The following SOX5 variants were observed in gnomAD, a reference collection of about 807,000 sequenced individuals.
SOX5 encodes SRY-box transcription factor 5.
A neutral mutation model predicts 92.0 loss-of-function variants in SOX5; 9 were observed. The ratio of observed to expected loss-of-function variants is 0.10; its 90% CI spans 0.06 to 0.17. The LOEUF (loss-of-function observed/expected upper bound fraction) is 0.17. SOX5 is among the 10% of genes least tolerant of loss of function. SOX5 has a pLI of 1.00. For missense variants in SOX5, 642 were observed against 944.5 expected (o/e 0.68, Z 4.20); for synonymous variants, 344 against 336.3 (o/e 1.02, Z -0.25).
chr12:23,895,053 T>C (rs2097163467), intron 2 of SOX5, among the ~76,000 whole-genome samples: 1 of 152,118 alleles, frequency 6.6e-6, no homozygotes, highest in Admixed American at 6.5e-5. Context: ...CTTATTTGTG[T>C]TTATGTGTGC....
At chr12:23,901,433 T>A (rs973257586) in intron 1 of SOX5, among the ~76,000 whole-genome samples, 12 of 152,358 alleles carry the variant, frequency 7.9e-5, no homozygotes, top group African/African-American at 2.6e-4. Flanking sequence ...AAAAAGGTAA[T>A]AATATATCAT....
At chr12:23,652,056 T>A (rs543279660) in intron 7 of SOX5, among the ~76,000 whole-genome samples, 1 of 152,186 alleles carries the variant, frequency 6.6e-6, no homozygotes, top group Admixed American at 6.6e-5. Flanking sequence ...CTATTTTCTC[T>A]CATCTAAATT....
intron 4 of SOX5, among the ~76,000 whole-genome samples, chr12:24,075,602 A>G (rs1238590566): frequency 6.6e-6 from 1 of 152,182 alleles, no homozygotes; most frequent in Non-Finnish European, 1.5e-5. Flanking sequence ...GAAACTTTTT[A>G]TTGTTTTAAT....
At chr12:24,111,107 A>T (rs575190163) in intron 4 of SOX5, among the ~76,000 whole-genome samples, 1 of 152,156 alleles carries the variant, frequency 6.6e-6, no homozygotes, top group East Asian at 1.9e-4. Context: ...AGATGCCAAT[A>T]GCATCCCCCA....
chr12:23,965,641 T>A (rs987417803), intron 4 of SOX5, among the ~76,000 whole-genome samples: 2 of 152,160 alleles, frequency 1.3e-5, no homozygotes, highest in Non-Finnish European at 2.9e-5. Flanking sequence ...GTTTTTGAGA[T>A]GGAGTCTTGC....
At chr12:24,163,839 A>C (rs1953066900) in intron 4 of SOX5, among the ~76,000 whole-genome samples, 1 of 151,896 alleles carries the variant, frequency 6.6e-6, no homozygotes, top group African/African-American at 2.4e-5. Context: ...CCATTTCTTT[A>C]TCTAGCTCCA....
chr12:23,604,180 G>A (rs1045679187), intron 9 of SOX5: 17 of 509,148 alleles, frequency 3.3e-5, no homozygotes, highest in African/African-American at 9.5e-5. Flanking sequence ...TATAGTTATC[G>A]ATACACGCAT....
chr12:24,537,117 G>A (rs1951708121), intron 1 of SOX5, among the ~76,000 whole-genome samples: 1 of 152,182 alleles, frequency 6.6e-6, no homozygotes, highest in South Asian at 2.1e-4. Context: ...AATGCAAAAT[G>A]TAATTCCTCA....
chr12:23,681,786 CA>C (rs1302899068), intron 6 of SOX5, among the ~76,000 whole-genome samples: 2 of 151,562 alleles, frequency 1.3e-5, no homozygotes, highest in South Asian at 4.2e-4. Flanking sequence ...ATAACAAAGG[CA>C]AAAATTATAA....
chr12:23,841,898 T>G (rs528350382), intron 3 of SOX5, among the ~76,000 whole-genome samples: 6 of 152,242 alleles, frequency 3.9e-5, no homozygotes, highest in Admixed American at 1.3e-4. Flanking sequence ...CATACTGCAT[T>G]ATACATTGTA....
intron 1 of SOX5, among the ~76,000 whole-genome samples, chr12:24,378,369 T>C (rs1252958174): frequency 6.6e-6 from 1 of 152,228 alleles, no homozygotes; most frequent in African/African-American, 2.4e-5. Flanking sequence ...TTCCTGCCAT[T>C]ATTAACTCGG....
chr12:23,974,283 G>T (rs1047122052), intron 4 of SOX5, among the ~76,000 whole-genome samples: 2 of 152,196 alleles, frequency 1.3e-5, no homozygotes, highest in African/African-American at 4.8e-5. Flanking sequence ...AGACAATTAG[G>T]TTGCTTCCAT....
At position 24,129,005 on chromosome 12, in the gene SOX5, G is replaced by A. The variant is rs144644582; in HGVS notation, c.-2+84338C>T. On this transcript the variant is annotated intron_variant, in intron 4 of 4. Coordinates refer to the SOX5 transcript ENST00000446891. ...AATAGAAACACTGGGATTTGCTGATGGATTTAAACGCAATTATGCACATTT... is the reference window on the plus strand; with the variant it reads ...AATAGAAACACTGGGATTTGCTGATAGATTTAAACGCAATTATGCACATTT... Among the ~76,000 whole-genome samples the A allele has an allele frequency of 2.6e-3, 402 of 152,184 alleles. 3 individuals are homozygous for A. The highest frequency in any genetic ancestry group is 0.01 in the Middle Eastern group (3 of 294).
rs117798236 is a variant in SOX5, at chr12:23,758,999, T to C, written c.482-3275A>G. ...TCATTCAGTCTGTGTTATTCTGTTA[T>C]GGCAACACAAAACACACACACACAC... On this transcript the variant is annotated intron_variant, in intron 3 of 14. Coordinates refer to ENST00000451604, the MANE Select transcript of SOX5 (RefSeq NM_006940.6). Among the ~76,000 whole-genome samples the C allele has an allele frequency of 9.0e-4, 124 of 138,044 alleles. 1 individual carries two copies. The East Asian group carries it at 0.025, about 27-fold the overall frequency. The allele number at this position is 138,044 out of a possible 152,430, so 90.6% of individuals were successfully genotyped here.
intron 4 of SOX5, among the ~76,000 whole-genome samples, chr12:24,106,927 A>G (rs1946762067): frequency 6.6e-6 from 1 of 151,918 alleles, no homozygotes; most frequent in Non-Finnish European, 1.5e-5. Flanking sequence ...CTGGTTTCCA[A>G]CATCAATGAA....
chr12:23,976,804 T>C lies in SOX5; in HGVS notation c.-1-80780A>G, dbSNP rs547448126. ...CACTGGAAACTCGCGACTTGTTTTT[T>C]TCTGTTGTTGTTGTTTTTTTTTTTA... is the stretch of plus-strand genomic sequence containing the variant. On this transcript the variant is annotated intron_variant, in intron 4 of 4. Coordinates refer to the SOX5 transcript ENST00000446891. Among the ~76,000 whole-genome samples the C allele has an allele frequency of 2.0e-5, 3 of 152,230 alleles. No homozygotes were observed. The East Asian group carries it at 5.8e-4, about 29-fold the overall frequency.
chr12:23,576,070 C>T (rs1949055050), intron 9 of SOX5, among the ~76,000 whole-genome samples: 1 of 152,158 alleles, frequency 6.6e-6, no homozygotes, highest in Non-Finnish European at 1.5e-5. Context: ...CTCAACTACC[C>T]ACAGAAAGCA....
chr12:24,104,441 A>T (rs770217762), intron 4 of SOX5, among the ~76,000 whole-genome samples: 3 of 152,230 alleles, frequency 2.0e-5, no homozygotes, highest in Non-Finnish European at 2.9e-5. Context: ...ATACCATATC[A>T]ATCTGACATT....
intron 2 of SOX5, among the ~76,000 whole-genome samples, chr12:23,885,512 T>A (rs562409922): frequency 1.3e-5 from 2 of 152,306 alleles, no homozygotes; most frequent in South Asian, 4.1e-4. Context: ...CTCCTCTATA[T>A]AATGATAACA....
Sources: gnomAD v4.1 joint callset for allele counts (sites outside exome capture counted in the v4.1 genomes callset) on GRCh38, gnomAD v4.1.1 for gene constraint, MANE v1.5 for transcripts, NCBI Gene and HGNC (gene_info 2026-07-23, HGNC 2026-07-21) for gene names.